The following RHOA variants were observed in gnomAD, a reference collection of about 807,000 sequenced individuals.
RHOA encodes the protein transforming protein RhoA.
In RHOA, 3 loss-of-function variants were observed where a neutral mutation model predicts 17.5. The observed-to-expected ratio is 0.17, with a 90% CI of 0.08 to 0.44. The LOEUF is 0.44. Ranked by LOEUF, RHOA falls within the 20% of genes least tolerant of loss-of-function variation. RHOA has a pLI of 0.99. For missense variants in RHOA, 56 were observed against 242.3 expected (o/e 0.23, Z 5.10); for synonymous variants, 98 against 88.4 (o/e 1.11, Z -0.61).
chr3:49,383,215 C>T (rs11710557), intron 1 of RHOA, among the ~76,000 whole-genome samples: 28 of 151,570 alleles, frequency 1.8e-4, no homozygotes, highest in Non-Finnish European at 3.1e-4. Context: ...GGGCAGATCA[C>T]GAGGTCAGGA....
intron 1 of RHOA, among the ~76,000 whole-genome samples, chr3:49,388,905 C>T (rs779692446): frequency 1.1e-4 from 17 of 152,216 alleles, no homozygotes; most frequent in East Asian, 1.9e-4. Flanking sequence ...CAATAAGGAA[C>T]GAAGTACAGT....
chr3:49,403,152 C>A (rs1262837977), intron 1 of RHOA, among the ~76,000 whole-genome samples: 1 of 151,794 alleles, frequency 6.6e-6, no homozygotes, highest in Non-Finnish European at 1.5e-5. Flanking sequence ...TCCTGGCTAA[C>A]AGAGTGAAAC....
chr3:49,402,190 C>T (rs750466038), intron 1 of RHOA, among the ~76,000 whole-genome samples: 1 of 152,100 alleles, frequency 6.6e-6, no homozygotes, highest in Non-Finnish European at 1.5e-5. Context: ...ATAAGGTTAA[C>T]CTTCAATGGA....
At chr3:49,368,320 ATTGC>A (rs2048092336) in intron 3 of RHOA, 104 bp downstream of exon 3, 2 of 1,387,822 alleles carry the variant, frequency 1.4e-6, no homozygotes, top group Admixed American at 1.9e-5. Flanking sequence ...ACTGACGATG[ATTGC>A]TTCTCTGAAG....
chr3:49,368,342 C>G (rs149042948), intron 3 of RHOA, 86 bp downstream of exon 3: 2 of 1,509,842 alleles, frequency 1.3e-6, no homozygotes, highest in Middle Eastern at 2.3e-4. Flanking sequence ...AAGTTCATGT[C>G]TGCTTTTCAG....
chr3:49,364,290 A>T (rs2107832879), intron 3 of RHOA, among the ~76,000 whole-genome samples: 1 of 152,176 alleles, frequency 6.6e-6, no homozygotes, highest in East Asian at 1.9e-4. Flanking sequence ...TTGGGAGACC[A>T]GCATAACCAA....
intron 1 of RHOA, among the ~76,000 whole-genome samples, chr3:49,393,075 C>T (rs2048535549): frequency 6.6e-6 from 1 of 152,070 alleles, no homozygotes; most frequent in Non-Finnish European, 1.5e-5. Context: ...ACCTGAGAGG[C>T]TGAGGCAGGA....
Position 49,381,846 on chromosome 3 carries a change from C to G in RHOA, c.-2-6255G>C, listed in dbSNP as rs535039452. 8.1e-5 allele frequency among the ~76,000 whole-genome samples: 12 copies of G among 147,492 alleles called. No homozygotes were observed. The East Asian group carries it at 2.2e-3, about 27-fold the overall frequency. On this transcript the variant is annotated intron_variant, in intron 1 of 4. Coordinates refer to ENST00000418115, the MANE Select transcript of RHOA (RefSeq NM_001664.4). ...TGCCACTGCACTCCAGTTTAGGCAA[C>G]AAGAGCGAAAATTCGTCTCAAAAAA...
At chr3:49,404,207 G>C (rs892167066) in intron 1 of RHOA, among the ~76,000 whole-genome samples, 6 of 150,734 alleles carry the variant, frequency 4.0e-5, no homozygotes, top group African/African-American at 1.5e-4. Context: ...GGAGGACGAG[G>C]CGTAAGGATA....
At chr3:49,389,793 C>T (rs866096820) in intron 1 of RHOA, among the ~76,000 whole-genome samples, 5 of 151,818 alleles carry the variant, frequency 3.3e-5, no homozygotes, top group Non-Finnish European at 7.4e-5. Context: ...AAAAATTAGC[C>T]GGGCGTGGTG....
intron 1 of RHOA, among the ~76,000 whole-genome samples, chr3:49,384,078 G>A (rs1249784929): frequency 2.6e-5 from 4 of 152,026 alleles, no homozygotes; most frequent in Admixed American, 2.0e-4. Context: ...AAGAACATTT[G>A]GCCCAGAAAA....
intron 1 of RHOA, among the ~76,000 whole-genome samples, chr3:49,387,907 T>C (rs2048428868): frequency 6.6e-6 from 1 of 152,124 alleles, no homozygotes; most frequent in Non-Finnish European, 1.5e-5. Flanking sequence ...TCATCAACTC[T>C]TGGTTCTTTG....
intron 3 of RHOA, among the ~76,000 whole-genome samples, chr3:49,365,463 T>A (rs917192344): frequency 2.6e-5 from 4 of 151,974 alleles, no homozygotes; most frequent in Non-Finnish European, 2.9e-5. Context: ...GTTCTGTTAG[T>A]AGGTGCTGTA....
chr3:49,407,379 G>A (rs1206938251), intron 1 of RHOA, among the ~76,000 whole-genome samples: 2 of 151,370 alleles, frequency 1.3e-5, no homozygotes. Flanking sequence ...GATTATAGGC[G>A]CCTGCTGCCA....
chr3:49,361,006 G>A, intron 4 of RHOA: 1 of 254,612 alleles, frequency 3.9e-6, no homozygotes, highest in Non-Finnish European at 8.3e-6. Flanking sequence ...CTGGGAGGCG[G>A]AGGTTGCAGT....
chr3:49,393,972 G>A (rs913385767), intron 1 of RHOA, among the ~76,000 whole-genome samples: 6 of 149,784 alleles, frequency 4.0e-5, no homozygotes, highest in Non-Finnish European at 5.9e-5. Flanking sequence ...CCGGGTTCAC[G>A]CCATTCTCCT....
At chr3:49,403,488 G>C (rs975824049) in intron 1 of RHOA, among the ~76,000 whole-genome samples, 4 of 151,934 alleles carry the variant, frequency 2.6e-5, no homozygotes, top group African/African-American at 7.3e-5. Flanking sequence ...GTTGAGACGA[G>C]AGAATCACTT....
intron 1 of RHOA, among the ~76,000 whole-genome samples, chr3:49,383,325 CAGG>C (rs2048347249): frequency 1.3e-5 from 2 of 149,246 alleles, no homozygotes; most frequent in African/African-American, 2.5e-5. Context: ...GAGGCTGAGG[CAGG>C]AGAATGGCGT....
At chr3:49,380,019 T>G (rs977513989) in intron 1 of RHOA, among the ~76,000 whole-genome samples, 2 of 152,208 alleles carry the variant, frequency 1.3e-5, no homozygotes, top group South Asian at 4.1e-4. Flanking sequence ...TTTTTAGCTA[T>G]GTACTTTGTT....
Sources: gnomAD v4.1 joint callset for allele counts (sites outside exome capture counted in the v4.1 genomes callset) on GRCh38, gnomAD v4.1.1 for gene constraint, MANE v1.5 for transcripts, NCBI Gene and HGNC (gene_info 2026-07-23, HGNC 2026-07-21) for gene names.